TAFA5: variants seen among roughly 807,000 people sequenced by gnomAD.
TAFA5 encodes the protein chemokine-like protein TAFA-5.
TAFA5 carries 6 observed loss-of-function variants against 15.3 expected under a neutral mutation model. The observed-to-expected ratio is 0.39, with a 90% confidence interval of 0.21 to 0.77. TAFA5 has a LOEUF of 0.77. TAFA5 is among the 30% of genes least tolerant of loss of function. The pLI is 0.41. For synonymous variants in TAFA5, 103 were observed against 80.7 expected (o/e 1.28, Z -1.48); for missense variants, 161 against 193.1 (o/e 0.83, Z 0.98).
rs141204513 is a variant in TAFA5, at chr22:48,646,568, C to T, written c.113-29C>T. The stretch of plus-strand genomic sequence containing the variant: ...CTGTGGGGTGTCTGTAACGTGTGGC[C>T]GCTCAGTCGCTTCTGCTCCTCTCTG... On this transcript the variant is annotated intron_variant, in intron 1 of 3. Transcript: ENST00000402357. The T allele has an allele frequency of 1.5e-3, 2,418 of 1,608,568 alleles. 33 individuals are homozygous for T. In the African/African-American group the frequency reaches 0.029, roughly 19 times the overall value.
chr22:48,513,700 CAGG>C (rs1921305708), intron 1 of TAFA5, among the ~76,000 whole-genome samples: 1 of 152,224 alleles, frequency 6.6e-6, no homozygotes, highest in African/African-American at 2.4e-5. Context: ...GGGCAGTCTG[CAGG>C]AGGAGGAGGT....
At chr22:48,700,031 C>T (rs1164486189) in intron 2 of TAFA5, among the ~76,000 whole-genome samples, 5 of 152,172 alleles carry the variant, frequency 3.3e-5, no homozygotes, top group African/African-American at 4.8e-5. Flanking sequence ...TGCACGAGTA[C>T]ACGCACACAC....
chr22:48,629,129 G>A (rs1323226916), intron 1 of TAFA5, among the ~76,000 whole-genome samples: 1 of 152,148 alleles, frequency 6.6e-6, no homozygotes, highest in African/African-American at 2.4e-5. Context: ...GGGCCCCAGC[G>A]GCTCCCCTCG....
chr22:48,641,339 C>G (rs1601636371), intron 1 of TAFA5, among the ~76,000 whole-genome samples: 1 of 152,136 alleles, frequency 6.6e-6, no homozygotes, highest in Non-Finnish European at 1.5e-5. Context: ...TGCAGCCCGA[C>G]AGAAAGTCAA....
chr22:48,630,211 G>T (rs915518547), intron 1 of TAFA5, among the ~76,000 whole-genome samples: 4 of 152,072 alleles, frequency 2.6e-5, no homozygotes, highest in African/African-American at 9.7e-5. Flanking sequence ...CTAAATAGGG[G>T]GCTCTGCTTG....
rs533445591 is a variant in TAFA5, at chr22:48,598,715, C to T, written c.113-47882C>T. Among the ~76,000 whole-genome samples the T allele has an allele frequency of 3.9e-5, 6 of 152,242 alleles. No homozygotes were observed. In the South Asian group the frequency reaches 6.2e-4, roughly 16 times the overall value. Reference sequence around the variant, plus strand: ...AATTAAATTGTCCTCCAATTTAATTCGGTTCTCAGACTACTCCCCAGAGTT... The same window carrying T: ...AATTAAATTGTCCTCCAATTTAATTTGGTTCTCAGACTACTCCCCAGAGTT... On this transcript the variant is annotated intron_variant, in intron 1 of 3. Transcript: ENST00000402357. This position sits in a 1 kb window ranked among gnomAD's most constrained non-coding sequence, Gnocchi z 4.0.
intron 1 of TAFA5, among the ~76,000 whole-genome samples, chr22:48,528,456 A>G (rs183376563): frequency 4.1e-4 from 63 of 152,206 alleles, no homozygotes; most frequent in African/African-American, 1.3e-3. Flanking sequence ...TGCACCCTGC[A>G]CTGGCTGCCT....
At chr22:48,494,171 A>C (rs1421512121) in intron 1 of TAFA5, among the ~76,000 whole-genome samples, 1 of 152,210 alleles carries the variant, frequency 6.6e-6, no homozygotes, top group Non-Finnish European at 1.5e-5. Flanking sequence ...GGCATGAAGC[A>C]TTTTCAGGTG....
At chr22:48,685,063 C>T (rs1928312622) in intron 2 of TAFA5, among the ~76,000 whole-genome samples, 1 of 152,196 alleles carries the variant, frequency 6.6e-6, no homozygotes, top group Non-Finnish European at 1.5e-5. Flanking sequence ...TAAGTCAGTG[C>T]ACTTAAGATG....
intron 1 of TAFA5, among the ~76,000 whole-genome samples, chr22:48,569,565 C>A (rs534294581): frequency 6.6e-6 from 1 of 152,200 alleles, no homozygotes; most frequent in Non-Finnish European, 1.5e-5. Flanking sequence ...CTCACCAGAG[C>A]AACCTCAGCG....
At chr22:48,579,659 C>T (rs1923960041) in intron 1 of TAFA5, among the ~76,000 whole-genome samples, 1 of 152,258 alleles carries the variant, frequency 6.6e-6, no homozygotes, top group Non-Finnish European at 1.5e-5. Flanking sequence ...CTTCCAAAGA[C>T]TTTACAATAT....
chr22:48,713,899 G>A (rs930618740), intron 3 of TAFA5, among the ~76,000 whole-genome samples: 4 of 152,226 alleles, frequency 2.6e-5, no homozygotes, highest in Admixed American at 2.6e-4. Flanking sequence ...ATGTGTCAAC[G>A]TGGCCCCACT....
chr22:48,739,825 G>A lies in TAFA5; in HGVS notation c.391-10014G>A, dbSNP rs139128770. On this transcript the variant is annotated intron_variant, in intron 3 of 3. Transcript: ENST00000402357. ...ATCCTTCCCTCTCAGAGCTGACAGC[G>A]CCTCCCCGTGCATTTGCCGTGCACA... Among the ~76,000 whole-genome samples, 410 of 152,224 alleles carry A rather than the reference G, an allele frequency of 2.7e-3. 4 individuals carry two copies. Among genetic ancestry groups the A allele is most frequent in the African/African-American group, 9.3e-3 (386 of 41,516 alleles).
At chr22:48,616,598 GC>G (rs1222894264) in intron 1 of TAFA5, among the ~76,000 whole-genome samples, 1 of 97,432 alleles carries the variant, frequency 1.0e-5, no homozygotes, top group Admixed American at 1.3e-4. Flanking sequence ...GTGGCATTTT[GC>G]CTGCGCATGG....
chr22:48,723,005 C>T (rs1224200289), intron 3 of TAFA5, among the ~76,000 whole-genome samples: 2 of 152,178 alleles, frequency 1.3e-5, no homozygotes, highest in Non-Finnish European at 2.9e-5. Flanking sequence ...TGGAGAAGCT[C>T]GTTCTAGCTG....
chr22:48,600,156 C>T (rs912405787), intron 1 of TAFA5, among the ~76,000 whole-genome samples: 9 of 152,160 alleles, frequency 5.9e-5, no homozygotes, highest in Non-Finnish European at 1.2e-4. Flanking sequence ...TTCGCTGTCA[C>T]AGCCGAGATC....
chr22:48,678,398 A>G (rs559951442), intron 2 of TAFA5, among the ~76,000 whole-genome samples: 28 of 152,336 alleles, frequency 1.8e-4, no homozygotes, highest in Admixed American at 1.2e-3. Flanking sequence ...ACAGGCCTCA[A>G]ATCCATCCAT....
chr22:48,691,261 G>A (rs534000557), intron 2 of TAFA5, among the ~76,000 whole-genome samples: 7 of 152,294 alleles, frequency 4.6e-5, no homozygotes, highest in Admixed American at 2.0e-4. Flanking sequence ...GTAGGGAGCC[G>A]CCTCCTCTCG....
At chr22:48,696,395 T>C (rs911171628) in intron 2 of TAFA5, among the ~76,000 whole-genome samples, 1 of 152,114 alleles carries the variant, frequency 6.6e-6, no homozygotes, top group African/African-American at 2.4e-5. Flanking sequence ...ACTCCTTCCC[T>C]CCATCCTTCC....
Sources: gnomAD v4.1 joint callset for allele counts (sites outside exome capture counted in the v4.1 genomes callset) on GRCh38, gnomAD v4.1.1 for gene constraint, Gnocchi (gnomAD v3.1) non-coding constraint, MANE v1.5 for transcripts, NCBI Gene and HGNC (gene_info 2026-07-23, HGNC 2026-07-21) for gene names.